Variants in FNDC3A observed in about 807,000 individuals in gnomAD.
FNDC3A encodes the protein fibronectin type-III domain-containing protein 3A.
A neutral mutation model predicts 148.9 loss-of-function variants in FNDC3A; 32 were observed. The observed-to-expected ratio is 0.21, with a 90% CI of 0.16 to 0.29. FNDC3A has a LOEUF of 0.29. Ranked by LOEUF, FNDC3A falls within the 10% of genes least tolerant of loss-of-function variation. The pLI, the probability that FNDC3A is intolerant of heterozygous loss-of-function variation, is 1.00. For missense variants in FNDC3A, 1,191 were observed against 1,452.8 expected, an observed-to-expected ratio of 0.82 and a Z score of 2.93; for synonymous variants, 472 against 473.6, an observed-to-expected ratio of 1.00 and a Z score of 0.04.
At chr13:49,039,447 C>A (rs1874753968) in intron 2 of FNDC3A, among the ~76,000 whole-genome samples, 1 of 152,118 alleles carries the variant, frequency 6.6e-6, no homozygotes, top group African/African-American at 2.4e-5. Flanking sequence ...CCAGAGATAT[C>A]TTTTGCTGCT....
rs368479101 is a variant in FNDC3A at position 49,105,340 on chromosome 13, G to C, written c.176-9315G>C. On this transcript the variant is annotated intron_variant, in intron 3 of 25. Coordinates refer to ENST00000492622, the MANE Select transcript of FNDC3A (RefSeq NM_001079673.2). The stretch of plus-strand genomic sequence containing the variant: ...TAAGACACAGCATTTCCTCTCTTAG[G>C]TACATACCTTAAAGAAACATTTGCA... Among the ~76,000 whole-genome samples, 44 of 152,180 alleles carry C rather than the reference G, an allele frequency of 2.9e-4. 1 individual carries two copies. The South Asian group carries it at 8.9e-3, about 31-fold the overall frequency.
intron 8 of FNDC3A, among the ~76,000 whole-genome samples, chr13:49,157,777 G>A (rs1883795502): frequency 8.0e-6 from 1 of 124,538 alleles, no homozygotes; most frequent in Non-Finnish European, 1.7e-5. Context: ...GGAATACCCT[G>A]CCGTGTGAGG....
At chr13:49,091,159 A>G (rs550220214) in intron 3 of FNDC3A, among the ~76,000 whole-genome samples, 1 of 152,332 alleles carries the variant, frequency 6.6e-6, no homozygotes, top group East Asian at 1.9e-4. Flanking sequence ...ACTCTGGGGA[A>G]AGAGAAGAAA....
intron 8 of FNDC3A, among the ~76,000 whole-genome samples, chr13:49,155,381 T>C (rs2137999823): frequency 6.6e-6 from 1 of 150,856 alleles, no homozygotes; most frequent in East Asian, 1.9e-4. Context: ...TTATCATTTT[T>C]TTTGTGTGTC....
At chr13:49,007,790 G>A (rs1041650741) in intron 2 of FNDC3A, among the ~76,000 whole-genome samples, 3 of 152,058 alleles carry the variant, frequency 2.0e-5, no homozygotes, top group African/African-American at 7.2e-5. Flanking sequence ...GGAGCAGGTG[G>A]AGTTAGGAGG....
chr13:49,068,651 C>T (rs955808371), intron 2 of FNDC3A, among the ~76,000 whole-genome samples: 1 of 152,148 alleles, frequency 6.6e-6, no homozygotes, highest in Non-Finnish European at 1.5e-5. Context: ...ATGGAATCAA[C>T]CTAAATGCCT....
chr13:49,134,416 T>C (rs1882212230), intron 5 of FNDC3A, among the ~76,000 whole-genome samples: 1 of 152,208 alleles, frequency 6.6e-6, no homozygotes, highest in African/African-American at 2.4e-5. Context: ...TGCATTCTGT[T>C]GATTACATTT....
At chr13:49,025,665 C>T (rs1396386714) in intron 2 of FNDC3A, among the ~76,000 whole-genome samples, 1 of 151,982 alleles carries the variant, frequency 6.6e-6, no homozygotes, top group Non-Finnish European at 1.5e-5. Flanking sequence ...GTGAAATACC[C>T]TATCTTGAGG....
intron 3 of FNDC3A, among the ~76,000 whole-genome samples, chr13:49,077,477 C>A (rs926404823): frequency 6.6e-6 from 1 of 152,180 alleles, no homozygotes; most frequent in African/African-American, 2.4e-5. Flanking sequence ...AGAAATAGAC[C>A]TAACTCTTTT....
At chr13:49,022,100 G>A (rs1873371653) in intron 2 of FNDC3A, among the ~76,000 whole-genome samples, 1 of 152,134 alleles carries the variant, frequency 6.6e-6, no homozygotes, top group Non-Finnish European at 1.5e-5. Context: ...TCACAGGTCA[G>A]TAAGTTTCCT....
intron 3 of FNDC3A, among the ~76,000 whole-genome samples, chr13:49,099,423 T>G (rs765189305): frequency 2.2e-4 from 34 of 152,124 alleles, no homozygotes; most frequent in Non-Finnish European, 3.1e-4. Flanking sequence ...TTCCTGGTAG[T>G]AGTGGCAGAA....
intron 23 of FNDC3A, among the ~76,000 whole-genome samples, chr13:49,199,328 ATTT>A (rs35601446): frequency 3.8e-5 from 5 of 133,134 alleles, no homozygotes; most frequent in African/African-American, 2.9e-5. Context: ...GACCGAAACA[ATTT>A]TTTTTTTTTT....
At chr13:49,126,099 C>G (rs1881677024) in intron 4 of FNDC3A, among the ~76,000 whole-genome samples, 1 of 152,056 alleles carries the variant, frequency 6.6e-6, no homozygotes, top group Non-Finnish European at 1.5e-5. Flanking sequence ...ACATGATGGC[C>G]ATTTCTTAGC....
In FNDC3A at chr13:49,138,743, TA is replaced by T; in HGVS notation, c.761-2del. 1 of 1,409,610 alleles carries T rather than the reference TA, an allele frequency of 7.1e-7. No homozygotes were observed. The highest frequency in any genetic ancestry group is 9.8e-7 in the Non-Finnish European group (1 of 1,022,138). The allele number at this position is 1,409,610 out of a possible 1,614,324, so 87.3% of individuals were successfully genotyped here. On this transcript the variant is annotated splice_polypyrimidine_tract_variant and splice_region_variant and intron_variant, in intron 6 of 25. Coordinates refer to ENST00000492622, the MANE Select transcript of FNDC3A (RefSeq NM_001079673.2). Reference sequence around the variant, plus strand: ...TAAATATTCAAATGTTTTATTTTTTTAAGAAAAAGATGAAGAAACTAAAGCA... The same window carrying T: ...TAAATATTCAAATGTTTTATTTTTTTAGAAAAAGATGAAGAAACTAAAGCA...
At chr13:49,113,530 C>G (rs1348913325) in intron 3 of FNDC3A, among the ~76,000 whole-genome samples, 1 of 152,060 alleles carries the variant, frequency 6.6e-6, no homozygotes, top group Non-Finnish European at 1.5e-5. Context: ...ATAATATTAA[C>G]AGAGTTACTT....
intron 10 of FNDC3A, among the ~76,000 whole-genome samples, chr13:49,171,545 A>G (rs994724346): frequency 2.0e-5 from 3 of 152,176 alleles, no homozygotes; most frequent in Non-Finnish European, 4.4e-5. Context: ...TAAAATAATA[A>G]CAGATTGCTG....
chr13:49,154,135 T>G (rs1883500590), intron 8 of FNDC3A, among the ~76,000 whole-genome samples: 1 of 145,180 alleles, frequency 6.9e-6, no homozygotes, highest in Non-Finnish European at 1.5e-5. Flanking sequence ...ACAATATTGA[T>G]TCTTCCTACC....
chr13:49,205,958 G>A (rs1886625102), intron 25 of FNDC3A, among the ~76,000 whole-genome samples: 1 of 152,124 alleles, frequency 6.6e-6, no homozygotes, highest in Non-Finnish European at 1.5e-5. Flanking sequence ...TACATCACAG[G>A]TACAATTGAG....
At chr13:49,019,518 G>A (rs1249294365) in intron 2 of FNDC3A, among the ~76,000 whole-genome samples, 3 of 152,226 alleles carry the variant, frequency 2.0e-5, no homozygotes, top group Non-Finnish European at 4.4e-5. Context: ...TCCCTAGTGA[G>A]ATGAACCCGG....
Sources: gnomAD v4.1 joint callset for allele counts (sites outside exome capture counted in the v4.1 genomes callset) on GRCh38, gnomAD v4.1.1 for gene constraint, MANE v1.5 for transcripts, NCBI Gene and HGNC (gene_info 2026-07-23, HGNC 2026-07-21) for gene names.